Variants in PIK3C3 observed in about 807,000 individuals in gnomAD.
PIK3C3 encodes PI3-kinase type 3.
Under a neutral mutation model 126.1 loss-of-function variants are expected in PIK3C3, and 95 were observed. That is an observed-to-expected ratio of 0.75 (90% CI 0.64 to 0.89). The LOEUF (loss-of-function observed/expected upper bound fraction) is 0.89. PIK3C3 is among the 40% of genes least tolerant of loss of function. PIK3C3 has a pLI of 0.00. For missense variants in PIK3C3, 829 were observed against 1,063.2 expected, an observed-to-expected ratio of 0.78 and a Z score of 3.06; for synonymous variants, 374 against 360.0, an observed-to-expected ratio of 1.04 and a Z score of -0.44.
chr18:42,022,315 G>A (rs1179662694), intron 13 of PIK3C3, among the ~76,000 whole-genome samples: 1 of 152,074 alleles, frequency 6.6e-6, no homozygotes, highest in African/African-American at 2.4e-5. Flanking sequence ...ACATCAGTGT[G>A]TGATGTTCCC....
At position 42,086,360 on chromosome 18, in the gene PIK3C3, G is replaced by C. The variant is rs1986398724; in HGVS notation, c.*5223G>C. ...TTCCCCAAACCTCAGAACTCCTTGG[G>C]CCATCACTGTCAGAGACATTTGAAC... On this transcript the variant is annotated 3_prime_UTR_variant, in exon 25 of 25. Coordinates refer to ENST00000262039, the MANE Select transcript of PIK3C3 (RefSeq NM_002647.4). 1 of 152,218 alleles carries C rather than the reference G, an allele frequency of 6.6e-6. No individual in the cohort carries two copies. The highest frequency in any genetic ancestry group is 6.5e-5 in the Admixed American group (1 of 15,268). The allele number at this position is 152,218 out of a possible 1,614,324, so 9.4% of individuals were successfully genotyped here. A position where few individuals can be genotyped will look rare whatever the true frequency, so the allele number is the denominator to read the frequency against.
intron 24 of PIK3C3, among the ~76,000 whole-genome samples, chr18:42,079,996 A>AGT (rs1208279657): frequency 1.8e-4 from 24 of 135,726 alleles, no homozygotes; most frequent in African/African-American, 6.5e-4. Context: ...TGTAAGAGAG[A>AGT]GAGTGTGTGT....
At chr18:42,069,952 C>A (rs543474018) in intron 24 of PIK3C3, among the ~76,000 whole-genome samples, 4 of 152,254 alleles carry the variant, frequency 2.6e-5, no homozygotes, top group African/African-American at 9.6e-5. Context: ...TAGAGCCCAG[C>A]TATGAGGTTT....
intron 10 of PIK3C3, among the ~76,000 whole-genome samples, chr18:42,008,272 T>C (rs557618676): frequency 6.6e-6 from 1 of 152,298 alleles, no homozygotes; most frequent in Non-Finnish European, 1.5e-5. Context: ...ACAGATCCCA[T>C]ATTAGAATTT....
intron 18 of PIK3C3, 84 bp from the exon 19 acceptor site, chr18:42,040,593 G>A: frequency 1.1e-6 from 1 of 900,354 alleles, no homozygotes; most frequent in Non-Finnish European, 1.8e-6. Context: ...TTTATTCAGA[G>A]ATGAGGATTA....
intron 13 of PIK3C3, 85 bp from the exon 14 acceptor site, chr18:42,027,356 ATC>A (rs1435715604): frequency 6.6e-6 from 4 of 601,904 alleles, no homozygotes; most frequent in African/African-American, 1.9e-5. Context: ...ATGTAAATTA[ATC>A]TGTTTTAGTG....
intron 2 of PIK3C3, among the ~76,000 whole-genome samples, chr18:41,958,074 C>G (rs539145699): frequency 6.6e-6 from 1 of 152,298 alleles, no homozygotes; most frequent in South Asian, 2.1e-4. Flanking sequence ...CTCTTGAATG[C>G]ATAAATACTT....
chr18:41,959,635 A>T (rs749072201), intron 2 of PIK3C3, among the ~76,000 whole-genome samples: 1 of 152,078 alleles, frequency 6.6e-6, no homozygotes, highest in Non-Finnish European at 1.5e-5. Flanking sequence ...CCCTATTAAA[A>T]ATACAAAAAT....
intron 22 of PIK3C3, among the ~76,000 whole-genome samples, chr18:42,062,516 C>A (rs1388009054): frequency 2.6e-5 from 4 of 152,056 alleles, no homozygotes; most frequent in Non-Finnish European, 4.4e-5. Flanking sequence ...CAAGACAATT[C>A]TTCTTCCACT....
At chr18:41,987,990 A>G in intron 5 of PIK3C3, 92 bp downstream of exon 5, 1 of 740,422 alleles carries the variant, frequency 1.4e-6, no homozygotes, top group South Asian at 2.1e-5. Flanking sequence ...GTATCTTACA[A>G]ATATAGGATT....
intron 4 of PIK3C3, among the ~76,000 whole-genome samples, chr18:41,971,987 A>G (rs940585606): frequency 2.6e-5 from 4 of 151,988 alleles, no homozygotes; most frequent in African/African-American, 9.7e-5. Flanking sequence ...ATTCTTTTTG[A>G]TGGAAGGTTT....
intron 21 of PIK3C3, among the ~76,000 whole-genome samples, chr18:42,056,160 C>G (rs189173086): frequency 1.3e-5 from 2 of 151,916 alleles, no homozygotes; most frequent in African/African-American, 4.8e-5. Flanking sequence ...AAAAAACATT[C>G]CCTTCAGTAT....
At chr18:42,032,624 T>TTTTATTTA (rs139558444) in intron 15 of PIK3C3, among the ~76,000 whole-genome samples, 10,877 of 143,974 alleles carry the variant, frequency 0.076, 492 homozygotes, top group East Asian at 0.19. Context: ...TTTCTGGTTA[T>TTTTATTTA]TTTATTTATT....
At chr18:41,982,913 C>T (rs1328747176) in intron 4 of PIK3C3, among the ~76,000 whole-genome samples, 2 of 152,058 alleles carry the variant, frequency 1.3e-5, no homozygotes, top group African/African-American at 4.8e-5. Context: ...TTTGTAAAGG[C>T]TGGAGGGTTT....
intron 24 of PIK3C3, among the ~76,000 whole-genome samples, chr18:42,076,124 G>GTGCA (rs1985987470): frequency 3.0e-5 from 2 of 67,210 alleles, no homozygotes; most frequent in Admixed American, 3.0e-4. Context: ...ATATATATGC[G>GTGCA]CATATATATA....
At chr18:42,078,826 A>G (rs1479996611) in intron 24 of PIK3C3, among the ~76,000 whole-genome samples, 1 of 152,160 alleles carries the variant, frequency 6.6e-6, no homozygotes, top group Non-Finnish European at 1.5e-5. Context: ...CTCATCAACC[A>G]ACCTCTGCTA....
rs1490344883 is a variant in PIK3C3 at position 42,081,874 on chromosome 18, G to T, written c.*737G>T. The stretch of plus-strand genomic sequence containing the variant: ...CCACCAGTTTTAGTATTGAGCATAA[G>T]ATATTTTTACATATTCATGTAAGAC... On this transcript the variant is annotated 3_prime_UTR_variant, in exon 25 of 25. Coordinates refer to ENST00000262039, the MANE Select transcript of PIK3C3 (RefSeq NM_002647.4). 6.6e-6 allele frequency: 1 copy of T among 152,136 alleles called. No homozygotes were observed. The highest frequency in any genetic ancestry group is 1.5e-5 in the Non-Finnish European group (1 of 68,014). The allele number at this position is 152,136 out of a possible 1,614,324, so 9.4% of individuals were successfully genotyped here. A position where few individuals can be genotyped will look rare whatever the true frequency, so the allele number is the denominator to read the frequency against.
At chr18:42,054,142 A>ATATC (rs1568002664) in intron 21 of PIK3C3, among the ~76,000 whole-genome samples, 1 of 17,238 alleles carries the variant, frequency 5.8e-5, no homozygotes, top group Admixed American at 4.5e-4. Context: ...ATATATATAT[A>ATATC]TATATATATA....
chr18:42,036,441 A>G (rs1043739750), intron 16 of PIK3C3, among the ~76,000 whole-genome samples: 2 of 147,676 alleles, frequency 1.4e-5, no homozygotes, highest in Admixed American at 6.8e-5. Context: ...TCTTTGACTC[A>G]TTTTTTTTTC....
Sources: gnomAD v4.1 joint callset for allele counts (sites outside exome capture counted in the v4.1 genomes callset) on GRCh38, gnomAD v4.1.1 for gene constraint, MANE v1.5 for transcripts, NCBI Gene and HGNC (gene_info 2026-07-23, HGNC 2026-07-21) for gene names.